The following ACTR2 variants were observed in gnomAD, a reference collection of about 807,000 sequenced individuals.
ACTR2 encodes the protein actin-related protein 2.
Under a neutral mutation model 50.2 loss-of-function variants are expected in ACTR2, and 5 were observed. The observed-to-expected ratio is 0.10, with a 90% confidence interval of 0.05 to 0.21. ACTR2 has a LOEUF of 0.21. ACTR2 is among the 10% of genes least tolerant of loss of function. The probability of loss-of-function intolerance (pLI) is 1.00; values close to 1 mark genes in which losing one functional copy is unlikely to be tolerated. For missense variants in ACTR2, 180 were observed against 480.6 expected (o/e 0.37, Z 5.85); for synonymous variants, 140 against 162.9 (o/e 0.86, Z 1.07).
At chr2:65,228,380 G>C (rs908976087) in intron 1 of ACTR2, 1 of 158,604 alleles carries the variant, frequency 6.3e-6, no homozygotes, top group African/African-American at 2.5e-5. Context: ...TCCTCTTCCT[G>C]TATAGTTGAA....
intron 8 of ACTR2, chr2:65,265,390 G>A (rs2104023398): frequency 6.5e-6 from 4 of 612,782 alleles, no homozygotes; most frequent in Non-Finnish European, 1.1e-5. Flanking sequence ...TGAGGTCAGG[G>A]CCAAAAGTTC....
intron 1 of ACTR2, among the ~76,000 whole-genome samples, chr2:65,229,769 AAAG>A (rs1263612980): frequency 1.3e-5 from 2 of 151,876 alleles, no homozygotes; most frequent in East Asian, 1.9e-4. Flanking sequence ...AAAAAAAAAA[AAAG>A]AAAAACAAAA....
chr2:65,256,538 C>T (rs900960891), intron 6 of ACTR2, among the ~76,000 whole-genome samples: 1 of 152,106 alleles, frequency 6.6e-6, no homozygotes, highest in Non-Finnish European at 1.5e-5. Flanking sequence ...TACATATTCA[C>T]AAATATATGC....
chr2:65,267,949 G>A (rs1357465969), intron 8 of ACTR2, among the ~76,000 whole-genome samples: 7 of 125,124 alleles, frequency 5.6e-5, no homozygotes, highest in Admixed American at 4.3e-4. Flanking sequence ...TCATTCTCCT[G>A]CCTCAGCCTC....
At chr2:65,238,188 A>G (rs1452578917) in intron 1 of ACTR2, among the ~76,000 whole-genome samples, 3 of 152,100 alleles carry the variant, frequency 2.0e-5, no homozygotes, top group Non-Finnish European at 4.4e-5. Flanking sequence ...TATTTTTTAA[A>G]TTAAAAAAGT....
chr2:65,253,936 TATC>T, intron 5 of ACTR2, 72 bp downstream of exon 5: 1 of 1,354,592 alleles, frequency 7.4e-7, no homozygotes, highest in African/African-American at 1.4e-5. Context: ...GAATTGAATC[TATC>T]GTTTTAGGAT....
chr2:65,261,399 T>C lies in ACTR2; in HGVS notation c.881+7T>C. 1.2e-6 allele frequency: 2 copies of C among 1,604,760 alleles called. No individual in the cohort carries two copies. The highest frequency in any genetic ancestry group is 1.7e-6 in the Non-Finnish European group (2 of 1,176,390). On this transcript the variant is annotated splice_region_variant and intron_variant, in intron 7 of 8. Transcript: ENST00000260641. Reference sequence around the variant, plus strand: ...CAGCTGACATTGATACCAGGTACATTAGAAGTGGTGATTTCAAAGTTATTT... The same window carrying C: ...CAGCTGACATTGATACCAGGTACATCAGAAGTGGTGATTTCAAAGTTATTT...
intron 6 of ACTR2, among the ~76,000 whole-genome samples, chr2:65,256,485 A>G (rs1672150867): frequency 6.6e-6 from 1 of 152,226 alleles, no homozygotes; most frequent in Non-Finnish European, 1.5e-5. Flanking sequence ...AGTAATAGGC[A>G]ATGAAGGCAA....
chr2:65,251,991 GAT>G (rs1388591627), intron 4 of ACTR2, among the ~76,000 whole-genome samples: 1 of 151,830 alleles, frequency 6.6e-6, no homozygotes, highest in African/African-American at 2.4e-5. Flanking sequence ...GGGCCTGTCA[GAT>G]ATGTGCCAAG....
chr2:65,252,174 C>G (rs913007661), intron 4 of ACTR2, among the ~76,000 whole-genome samples: 2 of 151,796 alleles, frequency 1.3e-5, no homozygotes, highest in African/African-American at 2.4e-5. Flanking sequence ...TAAATTCTTG[C>G]ATTAGTCAGT....
At chr2:65,261,433 A>G (rs1672265525) in intron 7 of ACTR2, 41 bp downstream of exon 7, 3 of 1,548,994 alleles carry the variant, frequency 1.9e-6, no homozygotes. Context: ...TTATCAGAAA[A>G]ATCATAAAAA....
At chr2:65,247,326 C>T (rs542194152) in intron 3 of ACTR2, among the ~76,000 whole-genome samples, 4 of 152,128 alleles carry the variant, frequency 2.6e-5, no homozygotes, top group Admixed American at 1.3e-4. Context: ...CGGTGGCTCA[C>T]GCCTGTAATC....
At chr2:65,238,285 A>G (rs1014588464) in intron 1 of ACTR2, among the ~76,000 whole-genome samples, 6 of 152,232 alleles carry the variant, frequency 3.9e-5, no homozygotes, top group African/African-American at 1.4e-4. Context: ...AAGTCTTATC[A>G]CAATGATATG....
chr2:65,253,618 G>T, intron 4 of ACTR2, 110 bp from the exon 5 acceptor site: 1 of 1,033,338 alleles, frequency 9.7e-7, no homozygotes, highest in Non-Finnish European at 1.4e-6. Flanking sequence ...ATAAATTCTG[G>T]CTTCTAGTTG....
At chr2:65,266,319 G>T (rs755507268) in intron 8 of ACTR2, among the ~76,000 whole-genome samples, 2 of 152,200 alleles carry the variant, frequency 1.3e-5, no homozygotes, top group African/African-American at 4.8e-5. Context: ...CTTTTGATCA[G>T]AGACCTAAGT....
intron 3 of ACTR2, among the ~76,000 whole-genome samples, chr2:65,250,709 G>T (rs543971501): frequency 8.6e-5 from 13 of 151,792 alleles, no homozygotes; most frequent in South Asian, 2.1e-4. Flanking sequence ...TCCCTTAAGG[G>T]ATATCAATTA....
chr2:65,257,020 T>C (rs1032919033), intron 6 of ACTR2, among the ~76,000 whole-genome samples: 3 of 152,166 alleles, frequency 2.0e-5, no homozygotes, highest in African/African-American at 4.8e-5. Flanking sequence ...TAGGTACACA[T>C]GTGCCATGGT....
chr2:65,239,371 T>C lies in ACTR2; in HGVS notation c.49-481T>C, dbSNP rs560939806. 2.6e-4 allele frequency among the ~76,000 whole-genome samples: 39 copies of C among 152,308 alleles called. No homozygotes were observed. The East Asian group carries it at 7.3e-3, about 29-fold the overall frequency. On this transcript the variant is annotated intron_variant, in intron 1 of 8. Transcript: ENST00000260641. ...TGGGAGGCTGAGGCAGGAGAATCACTTGAACCCAGGAGGCGGAGGTTGCAG... is the reference window on the plus strand; with the variant it reads ...TGGGAGGCTGAGGCAGGAGAATCACCTGAACCCAGGAGGCGGAGGTTGCAG...
chr2:65,268,576 C>T lies in ACTR2; in HGVS notation c.1027C>T (p.Arg343Cys). ...CTTTCTCCTTTAGAAATTTAAGATC[C>T]GCATTGAAGACCCACCCCGCAGAAA... Reference protein sequence around the residue: ...DVEKLSKFKIRIEDPPRRKHM... With the variant: ...DVEKLSKFKICIEDPPRRKHM... The change falls in exon 9 of 9, where the codon CGC (arginine) becomes TGC (cysteine). Residue 343 changes from arginine (R) to cysteine (C), a missense_variant. By Grantham distance (180) the Arg-to-Cys change is radical. Coordinates refer to ENST00000260641, the MANE Select transcript of ACTR2 (RefSeq NM_005722.4). 2 of 1,612,086 alleles carry T rather than the reference C, an allele frequency of 1.2e-6. No individual in the cohort carries two copies. Among genetic ancestry groups the T allele is most frequent in the Non-Finnish European group, 8.5e-7 (1 of 1,179,340 alleles).
Sources: allele counts gnomAD v4.1 joint callset (sites outside exome capture counted in the v4.1 genomes callset), GRCh38; gene constraint gnomAD v4.1.1; transcripts MANE v1.5; gene names NCBI Gene and HGNC (gene_info 2026-07-23, HGNC 2026-07-21).